The following YME1L1 variants were observed in gnomAD, a reference collection of about 807,000 sequenced individuals.
The protein encoded by YME1L1 is YME1 like 1 ATPase, also known as ATP-dependent zinc metalloprotease YME1L1.
In YME1L1, 39 loss-of-function variants were observed where a neutral mutation model predicts 90.4. The ratio of observed to expected loss-of-function variants is 0.43; its 90% CI spans 0.33 to 0.56. YME1L1 has a LOEUF of 0.56. YME1L1 is among the 20% of genes least tolerant of loss of function. The pLI, the probability that YME1L1 is intolerant of heterozygous loss-of-function variation, is 0.03. For missense variants in YME1L1, 617 were observed against 868.4 expected (o/e 0.71, Z 3.64); for synonymous variants, 284 against 287.3 (o/e 0.99, Z 0.12).
In YME1L1 at chr10:27,154,317, C is replaced by A; in HGVS notation, c.-107G>T. On this transcript the variant is annotated 5_prime_UTR_variant, in exon 1 of 19. Coordinates refer to ENST00000376016, the MANE Select transcript of YME1L1 (RefSeq NM_014263.4). ...CTTCTTTTTTCCTTTTTCTCCGACC[C>A]GTTGCCCCTCACTCCTCCCAGAAAC... 2 of 1,370,074 alleles carry A rather than the reference C, an allele frequency of 1.5e-6. No homozygotes were observed. The highest frequency in any genetic ancestry group is 1.5e-5 in the African/African-American group (1 of 68,580). The allele number at this position is 1,370,074 out of a possible 1,614,324, so 84.9% of individuals were successfully genotyped here. A position where few individuals can be genotyped will look rare whatever the true frequency, so the allele number is the denominator to read the frequency against.
intron 4 of YME1L1, among the ~76,000 whole-genome samples, chr10:27,140,303 C>A (rs1051421473): frequency 6.6e-6 from 1 of 152,046 alleles, no homozygotes; most frequent in Non-Finnish European, 1.5e-5. Context: ...CTGCATCCAG[C>A]CTGATTTCTC....
At chr10:27,116,398 G>A in intron 15 of YME1L1, 53 bp from the exon 16 acceptor site, 1 of 1,598,786 alleles carries the variant, frequency 6.3e-7, no homozygotes, top group Non-Finnish European at 8.5e-7. Context: ...GCTGGGTGCG[G>A]TGGCTCACGC....
At chr10:27,152,994 C>T (rs1302268886) in intron 1 of YME1L1, among the ~76,000 whole-genome samples, 1 of 152,162 alleles carries the variant, frequency 6.6e-6, no homozygotes, top group Non-Finnish European at 1.5e-5. Context: ...CCTGTATGAT[C>T]TGCCTCAAGT....
At chr10:27,123,134 A>AG (rs2056883387) in intron 10 of YME1L1, among the ~76,000 whole-genome samples, 161 bp from the exon 11 acceptor site, 2 of 151,600 alleles carry the variant, frequency 1.3e-5, no homozygotes, top group East Asian at 3.9e-4. Context: ...TAGTATCTTC[A>AG]GGGGGGAAAA....
Position 27,136,261 on chromosome 10 carries a change from A to G in YME1L1, c.540+15T>C. On this transcript the variant is annotated intron_variant, in intron 5 of 18. Transcript: ENST00000376016. Reference sequence around the variant, plus strand: ...GAAAATATTTGCTTTTTGGATCATAAAAAGGTCTAATTACCTTCACGAATG... The same window carrying G: ...GAAAATATTTGCTTTTTGGATCATAGAAAGGTCTAATTACCTTCACGAATG... The G allele has an allele frequency of 6.3e-7, 1 of 1,599,140 alleles. No homozygotes were observed. The highest frequency in any genetic ancestry group is 2.2e-5 in the East Asian group (1 of 44,806).
At position 27,124,520 on chromosome 10, in the gene YME1L1, T is replaced by C. The variant is rs146251558; in HGVS notation, c.950-821A>G. ...CTTTACATACATGTTTGCTGCATTT[T>C]AACATAAAAAAAATTTTAAAGAAAG... On this transcript the variant is annotated intron_variant, in intron 9 of 18. Coordinates refer to ENST00000376016, the MANE Select transcript of YME1L1 (RefSeq NM_014263.4). 2.1e-3 allele frequency among the ~76,000 whole-genome samples: 322 copies of C among 152,238 alleles called. 1 individual carries two copies. Among genetic ancestry groups the C allele is most frequent in the African/African-American group, 7.3e-3 (305 of 41,518 alleles).
At chr10:27,144,339 C>T (rs778122629) in intron 3 of YME1L1, among the ~76,000 whole-genome samples, 19 of 152,242 alleles carry the variant, frequency 1.2e-4, no homozygotes, top group South Asian at 4.1e-4. Context: ...TTTCCTCACA[C>T]TTACGGTTTT....
intron 1 of YME1L1, among the ~76,000 whole-genome samples, chr10:27,149,743 A>C (rs2057189257): frequency 7.2e-6 from 1 of 138,724 alleles, no homozygotes; most frequent in African/African-American, 2.7e-5. Flanking sequence ...AAAAGAAACT[A>C]CCACAGAATG....
At chr10:27,140,579 A>G (rs988079604) in intron 4 of YME1L1, among the ~76,000 whole-genome samples, 1 of 151,802 alleles carries the variant, frequency 6.6e-6, no homozygotes, top group Non-Finnish European at 1.5e-5. Context: ...CCTGGGTTCA[A>G]GTGATTCTCC....
At chr10:27,147,358 A>C in intron 2 of YME1L1, 1 of 1,476,610 alleles carries the variant, frequency 6.8e-7, no homozygotes. Flanking sequence ...TAAAACAAAC[A>C]AACAAAGAAA....
rs370481815 is a variant in YME1L1 at position 27,148,943 on chromosome 10, C to T, written c.131G>A (p.Arg44Gln). 7.4e-6 allele frequency: 12 copies of T among 1,613,948 alleles called. No individual in the cohort carries two copies. The highest frequency in any genetic ancestry group is 6.7e-5 in the African/African-American group (5 of 75,006). Residue 44 changes from arginine to glutamine, a missense_variant, in exon 2 of 19, where the codon CGA becomes CAA. This residue lies in a region of YME1L1 where 311 missense variants were observed against 335.8 expected (regional missense o/e 0.93). Transcript: ENST00000376016. ...SGVSVSQNQH[R>Q]DVVPEHEAPS... ...AGCCTCATGCTCAGGAACTACATCT[C>T]GATGCTGGTTTTGAGAAACTGACAC... is the stretch of plus-strand genomic sequence containing the variant.
Position 27,112,216 on chromosome 10 carries a change from AAT to A in YME1L1, c.2008-98_2008-97del, listed in dbSNP as rs551224459. On this transcript the variant is annotated intron_variant, in intron 18 of 18. Coordinates refer to ENST00000376016, the MANE Select transcript of YME1L1 (RefSeq NM_014263.4). The stretch of plus-strand genomic sequence containing the variant: ...AAGAAAAACTTTATGTACCCTAAAA[AAT>A]ATGAAATCTGTTTATATTTATAAAA... 3.0e-4 allele frequency: 324 copies of A among 1,070,366 alleles called. 1 individual carries two copies. In the African/African-American group the frequency reaches 4.8e-3, roughly 16 times the overall value. 66.3% of individuals were successfully genotyped at this position (1,070,366 alleles called of 1,614,324 possible).
At chr10:27,114,435 G>T in intron 18 of YME1L1, 86 bp downstream of exon 18, 1 of 944,826 alleles carries the variant, frequency 1.1e-6, no homozygotes. Context: ...AGTGAACAGA[G>T]GGCCTTCAGC....
chr10:27,111,621 G>T lies in YME1L1; in HGVS notation c.*356C>A. 3.1e-6 allele frequency: 1 copy of T among 325,362 alleles called. No individual in the cohort carries two copies. The highest frequency in any genetic ancestry group is 2.8e-5 in the South Asian group (1 of 36,162). The allele number at this position is 325,362 out of a possible 1,614,324, so 20.2% of individuals were successfully genotyped here. On this transcript the variant is annotated 3_prime_UTR_variant, in exon 19 of 19. Coordinates refer to ENST00000376016, the MANE Select transcript of YME1L1 (RefSeq NM_014263.4). Reference sequence around the variant, plus strand: ...AATTACTGCATCTTAAGTTTCCACTGATGTATATAGAAGGCTAAAGGCACA... The same window carrying T: ...AATTACTGCATCTTAAGTTTCCACTTATGTATATAGAAGGCTAAAGGCACA...
intron 11 of YME1L1, 66 bp downstream of exon 11, chr10:27,122,775 C>T (rs1288067789): frequency 6.3e-7 from 1 of 1,584,114 alleles, no homozygotes; most frequent in African/African-American, 1.4e-5. Context: ...TGCATAAGAT[C>T]AATTCTACGT....
chr10:27,144,869 C>T (rs751235288), intron 3 of YME1L1, among the ~76,000 whole-genome samples: 7 of 152,116 alleles, frequency 4.6e-5, no homozygotes, highest in African/African-American at 7.2e-5. Flanking sequence ...TAGGCCTGCA[C>T]GGTGGCTCAC....
At chr10:27,138,479 C>T (rs2057052105) in intron 4 of YME1L1, among the ~76,000 whole-genome samples, 1 of 151,970 alleles carries the variant, frequency 6.6e-6, no homozygotes, top group Admixed American at 6.6e-5. Context: ...TCACTCAGTT[C>T]CTCTTTCATT....
chr10:27,114,898 G>T (rs574691537), intron 17 of YME1L1, among the ~76,000 whole-genome samples: 1 of 152,134 alleles, frequency 6.6e-6, no homozygotes, highest in South Asian at 2.1e-4. Context: ...ATAGCGGCAC[G>T]TGCCTGTAAT....
chr10:27,135,972 G>C (rs2057022896), intron 5 of YME1L1, among the ~76,000 whole-genome samples: 1 of 152,188 alleles, frequency 6.6e-6, no homozygotes, highest in Admixed American at 6.5e-5. Context: ...GGATGTGGGA[G>C]GTAAGGCAAC....
Sources: gnomAD v4.1 joint callset for allele counts (sites outside exome capture counted in the v4.1 genomes callset) on GRCh38, gnomAD v4.1.1 for gene constraint, gnomAD v4.1.1 regional missense constraint, MANE v1.5 for transcripts, NCBI Gene and HGNC (gene_info 2026-07-23, HGNC 2026-07-21) for gene names.